NELL1: variants seen among roughly 807,000 people sequenced by gnomAD.
NELL1 encodes the protein protein kinase C-binding protein NELL1.
In NELL1, 76 loss-of-function variants were observed where a neutral mutation model predicts 107.4. The ratio of observed to expected loss-of-function variants is 0.71; its 90% confidence interval spans 0.59 to 0.86. The LOEUF is 0.86. Among genes scored for constraint, NELL1 ranks in the 40% least tolerant of loss-of-function variants. The pLI, the probability that NELL1 is intolerant of heterozygous loss-of-function variation, is 0.00. For missense variants in NELL1, 1,024 were observed against 1,005.5 expected, an observed-to-expected ratio of 1.02 and a Z score of -0.25; for synonymous variants, 353 against 341.2, an observed-to-expected ratio of 1.03 and a Z score of -0.38.
intron 12 of NELL1, among the ~76,000 whole-genome samples, chr11:20,966,853 G>A (rs892266642): frequency 2.9e-5 from 4 of 138,582 alleles, no homozygotes; most frequent in Non-Finnish European, 3.1e-5. Flanking sequence ...CCCCTGCCCC[G>A]ACACACACAC....
rs564568774 is a variant in NELL1, at chr11:21,028,828, T to A, written c.1300+68268T>A. Among the ~76,000 whole-genome samples the A allele has an allele frequency of 4.6e-5, 7 of 152,264 alleles. No homozygotes were observed. In the East Asian group the frequency reaches 9.7e-4, roughly 21 times the overall value. On this transcript the variant is annotated intron_variant, in intron 12 of 19. Coordinates refer to ENST00000357134, the MANE Select transcript of NELL1 (RefSeq NM_006157.5). ...TTTTAAAAGCAAATTAGCTGGGCAG[T>A]TTTTATTTCTCTTAATTTAAAAAGC...
Position 20,980,529 on chromosome 11 carries a change from G to A in NELL1, c.1300+19969G>A, listed in dbSNP as rs567279344. Among the ~76,000 whole-genome samples the A allele has an allele frequency of 1.8e-4, 28 of 152,250 alleles. 1 individual carries two copies. In the South Asian group the frequency reaches 5.6e-3, roughly 30 times the overall value. ...CTTTAGAGACCTGAACCACTGAAAG[G>A]TTTGTGGTGTATCTCAAACTTTTGG... is the stretch of plus-strand genomic sequence containing the variant. On this transcript the variant is annotated intron_variant, in intron 12 of 19. Transcript: ENST00000357134.
intron 15 of NELL1, among the ~76,000 whole-genome samples, chr11:21,394,318 C>T (rs1352536234): frequency 1.3e-5 from 2 of 151,428 alleles, no homozygotes; most frequent in African/African-American, 2.4e-5. Context: ...TTATTTTCCC[C>T]AGCTATGTTA....
intron 5 of NELL1, among the ~76,000 whole-genome samples, chr11:20,897,613 C>T (rs1336392674): frequency 1.3e-5 from 2 of 152,052 alleles, no homozygotes; most frequent in Non-Finnish European, 2.9e-5. Flanking sequence ...AAGAAACTAC[C>T]ATCAGAGTGA....
chr11:21,277,701 A>G (rs1303397199), intron 14 of NELL1, among the ~76,000 whole-genome samples: 2 of 152,212 alleles, frequency 1.3e-5, no homozygotes, highest in Non-Finnish European at 2.9e-5. Context: ...CGTATATACC[A>G]TGGAATACTA....
intron 13 of NELL1, among the ~76,000 whole-genome samples, chr11:21,222,831 A>G (rs1340974052): frequency 6.7e-6 from 1 of 149,896 alleles, no homozygotes; most frequent in Non-Finnish European, 1.5e-5. Flanking sequence ...ACTTGTTTAT[A>G]TTCCATGTTT....
At chr11:20,852,245 G>A (rs760837420) in intron 4 of NELL1, among the ~76,000 whole-genome samples, 39 of 152,152 alleles carry the variant, frequency 2.6e-4, no homozygotes, top group Non-Finnish European at 4.6e-4. Flanking sequence ...GTTAACAAGT[G>A]ATTAGTCTAG....
chr11:21,356,517 A>G (rs1419480093), intron 14 of NELL1, among the ~76,000 whole-genome samples: 1 of 152,176 alleles, frequency 6.6e-6, no homozygotes, highest in Non-Finnish European at 1.5e-5. Flanking sequence ...AGACATTACT[A>G]AATATCTCCT....
intron 14 of NELL1, among the ~76,000 whole-genome samples, chr11:21,281,666 C>A (rs894175466): frequency 6.6e-6 from 1 of 152,052 alleles, no homozygotes; most frequent in Non-Finnish European, 1.5e-5. Flanking sequence ...CACAGGGGTA[C>A]TTGTGTCACT....
chr11:21,330,133 T>G (rs561356446), intron 14 of NELL1, among the ~76,000 whole-genome samples: 1 of 152,234 alleles, frequency 6.6e-6, no homozygotes, highest in African/African-American at 2.4e-5. Context: ...AACTACCTTC[T>G]TTGTGTGGCA....
At chr11:21,047,662 G>A (rs749817729) in intron 12 of NELL1, among the ~76,000 whole-genome samples, 9 of 152,140 alleles carry the variant, frequency 5.9e-5, no homozygotes, top group Non-Finnish European at 1.3e-4. Context: ...TGATTCTTTC[G>A]TGTTATTGTA....
chr11:20,871,148 TA>T (rs1248368704), intron 4 of NELL1, among the ~76,000 whole-genome samples: 1 of 152,204 alleles, frequency 6.6e-6, no homozygotes, highest in Non-Finnish European at 1.5e-5. Context: ...GCTATGCCCT[TA>T]ATATATTAAT....
At chr11:21,157,995 C>A (rs554035948) in intron 13 of NELL1, among the ~76,000 whole-genome samples, 36 of 152,180 alleles carry the variant, frequency 2.4e-4, no homozygotes, top group Admixed American at 7.2e-4. Context: ...GAGATGCAGA[C>A]CCATCTTCAG....
intron 14 of NELL1, among the ~76,000 whole-genome samples, chr11:21,274,213 C>T (rs931517289): frequency 6.6e-6 from 1 of 151,994 alleles, no homozygotes; most frequent in African/African-American, 2.4e-5. Flanking sequence ...GGAAGATCTA[C>T]CAATCAAATG....
chr11:21,559,487 A>G (rs780426177), intron 16 of NELL1, among the ~76,000 whole-genome samples: 94 of 152,074 alleles, frequency 6.2e-4, no homozygotes, highest in Non-Finnish European at 1.2e-3. Flanking sequence ...TTTTTATTCC[A>G]TTGTTGGCTG....
chr11:20,685,483 C>T (rs908716120), intron 2 of NELL1, among the ~76,000 whole-genome samples: 3 of 151,986 alleles, frequency 2.0e-5, no homozygotes, highest in African/African-American at 4.8e-5. Context: ...TTAATATAGG[C>T]AGACTTCAAA....
intron 14 of NELL1, among the ~76,000 whole-genome samples, chr11:21,251,141 A>G (rs902804966): frequency 3.3e-5 from 5 of 152,198 alleles, no homozygotes; most frequent in Non-Finnish European, 1.5e-5. Flanking sequence ...GACTTTAAGC[A>G]TGAAAGCATC....
intron 13 of NELL1, among the ~76,000 whole-genome samples, chr11:21,185,293 C>T (rs867520266): frequency 3.0e-4 from 35 of 118,470 alleles, no homozygotes; most frequent in Non-Finnish European, 3.6e-4. Flanking sequence ...ATTCCAGTAT[C>T]TTTTTTTTTT....
intron 12 of NELL1, among the ~76,000 whole-genome samples, chr11:21,072,357 A>C (rs1031479333): frequency 1.1e-4 from 17 of 152,158 alleles, no homozygotes; most frequent in African/African-American, 3.9e-4. Context: ...GCTACACACC[A>C]CACAGTTCTT....
Sources: allele counts gnomAD v4.1 joint callset (sites outside exome capture counted in the v4.1 genomes callset), GRCh38; gene constraint gnomAD v4.1.1; transcripts MANE v1.5; gene names NCBI Gene and HGNC (gene_info 2026-07-23, HGNC 2026-07-21).